ATAD1: variants seen among roughly 807,000 people sequenced by gnomAD.
The protein encoded by ATAD1 is outer mitochondrial transmembrane helix translocase.
In ATAD1, 18 loss-of-function variants were observed where a neutral mutation model predicts 42.7. The observed-to-expected ratio is 0.42, with a 90% CI of 0.29 to 0.63. The LOEUF is 0.63. Among genes scored for constraint, ATAD1 ranks in the 20% least tolerant of loss-of-function variants. The pLI is 0.19. For missense variants in ATAD1, 294 were observed against 440.4 expected (o/e 0.67, Z 2.98); for synonymous variants, 132 against 143.1 (o/e 0.92, Z 0.55).
intron 5 of ATAD1, among the ~76,000 whole-genome samples, chr10:87,783,001 A>T (rs1380917881): frequency 6.6e-6 from 1 of 152,062 alleles, no homozygotes; most frequent in Admixed American, 6.6e-5. Flanking sequence ...AAAAAAAGAA[A>T]TCTGAATTAT....
chr10:87,778,402 T>G (rs1460031551), intron 5 of ATAD1, among the ~76,000 whole-genome samples: 2 of 152,106 alleles, frequency 1.3e-5, no homozygotes, highest in African/African-American at 4.8e-5. Flanking sequence ...TCCAAGATGC[T>G]GAGGACCAGA....
At chr10:87,839,834 G>T (rs1450693927) in intron 1 of ATAD1, among the ~76,000 whole-genome samples, 5 of 151,294 alleles carry the variant, frequency 3.3e-5, no homozygotes, top group Non-Finnish European at 7.4e-5. Context: ...ATTGTAAAAA[G>T]CTGCTGATCT....
chr10:87,796,585 G>A (rs943010757), intron 2 of ATAD1, among the ~76,000 whole-genome samples: 3 of 152,072 alleles, frequency 2.0e-5, no homozygotes, highest in Admixed American at 6.6e-5. Context: ...TGACCACTTT[G>A]GGCACATGTC....
chr10:87,757,084 G>T (rs1186896492), intron 8 of ATAD1, among the ~76,000 whole-genome samples, 162 bp from the exon 9 acceptor site: 1 of 151,936 alleles, frequency 6.6e-6, no homozygotes, highest in African/African-American at 2.4e-5. Context: ...TTAGAAATTT[G>T]AAATATAATT....
At chr10:87,816,461 G>A (rs1439586919) in intron 1 of ATAD1, among the ~76,000 whole-genome samples, 1 of 152,152 alleles carries the variant, frequency 6.6e-6, no homozygotes, top group African/African-American at 2.4e-5. Flanking sequence ...CATTCAATTT[G>A]CATTTACTGA....
At chr10:87,774,211 CAA>C (rs2131830110) in intron 6 of ATAD1, among the ~76,000 whole-genome samples, 1 of 152,262 alleles carries the variant, frequency 6.6e-6, no homozygotes, top group East Asian at 1.9e-4. Flanking sequence ...TTAAAAGACT[CAA>C]ATAAATTAAT....
intron 2 of ATAD1, among the ~76,000 whole-genome samples, chr10:87,793,808 G>C (rs1856244189): frequency 6.6e-6 from 1 of 152,150 alleles, no homozygotes; most frequent in South Asian, 2.1e-4. Context: ...TTCCTAAAAT[G>C]CTTTTGATTA....
intron 5 of ATAD1, among the ~76,000 whole-genome samples, chr10:87,780,299 G>A (rs1855506139): frequency 2.0e-5 from 3 of 152,164 alleles, no homozygotes; most frequent in Non-Finnish European, 4.4e-5. Flanking sequence ...GATGCTAGCA[G>A]TTTGGGAGGA....
chr10:87,832,093 T>G (rs898852876), intron 1 of ATAD1: 2 of 141,920 alleles, frequency 1.4e-5, no homozygotes, highest in Non-Finnish European at 3.0e-5. Flanking sequence ...TTTTTTTTTT[T>G]GACAGGGTCT....
chr10:87,817,301 A>C (rs1187445499), intron 1 of ATAD1, among the ~76,000 whole-genome samples: 1 of 152,226 alleles, frequency 6.6e-6, no homozygotes, highest in African/African-American at 2.4e-5. Flanking sequence ...AACAGCAGGG[A>C]GCGTATTTCA....
chr10:87,799,701 T>C (rs1241017889), intron 2 of ATAD1, among the ~76,000 whole-genome samples: 1 of 152,096 alleles, frequency 6.6e-6, no homozygotes, highest in African/African-American at 2.4e-5. Flanking sequence ...AATGGGATAA[T>C]TGTAGACAAA....
chr10:87,766,634 C>T (rs1564743197), intron 8 of ATAD1, among the ~76,000 whole-genome samples: 1 of 151,738 alleles, frequency 6.6e-6, no homozygotes, highest in African/African-American at 2.4e-5. Context: ...TGGTAAAATG[C>T]AAAAAATACA....
At chr10:87,764,067 G>A (rs1466854925) in intron 8 of ATAD1, among the ~76,000 whole-genome samples, 1 of 151,964 alleles carries the variant, frequency 6.6e-6, no homozygotes, top group East Asian at 1.9e-4. Flanking sequence ...ATTAATCCTA[G>A]TGCATAAAGA....
Position 87,814,604 on chromosome 10 carries a change from A to C in ATAD1, c.-5T>G. 1 of 1,593,076 alleles carries C rather than the reference A, an allele frequency of 6.3e-7. No homozygotes were observed. Among genetic ancestry groups the C allele is most frequent in the Non-Finnish European group, 8.5e-7 (1 of 1,171,498 alleles). On this transcript the variant is annotated 5_prime_UTR_variant, in exon 2 of 10. In the 5' UTR this introduces an upstream ATG that the reference lacks. Transcript: ENST00000680024. Reference sequence around the variant, plus strand: ...AAAGGCTTCAGCATGTACCATCTTGAATGTTAACCTTAAAAAAACAAACAG... The same window carrying C: ...AAAGGCTTCAGCATGTACCATCTTGCATGTTAACCTTAAAAAAACAAACAG...
chr10:87,799,591 C>T (rs1856582561), intron 2 of ATAD1, among the ~76,000 whole-genome samples: 1 of 152,098 alleles, frequency 6.6e-6, no homozygotes, highest in Non-Finnish European at 1.5e-5. Context: ...TTCACTGTCT[C>T]AGTTATGATT....
chr10:87,824,029 A>G lies in ATAD1; in HGVS notation c.-13-9417T>C, dbSNP rs1158323154. 4.1e-4 allele frequency among the ~76,000 whole-genome samples: 63 copies of G among 151,892 alleles called. 3 individuals are homozygous for G. Among genetic ancestry groups the G allele is most frequent in the Admixed American group, 4.1e-3 (62 of 15,256 alleles). ...TCCATTCTGTTAGTTCCCGTAATTCACTTTGGTTAGCACTGGCATAGTACT... is the reference window on the plus strand; with the variant it reads ...TCCATTCTGTTAGTTCCCGTAATTCGCTTTGGTTAGCACTGGCATAGTACT... On this transcript the variant is annotated intron_variant, in intron 1 of 4. Transcript: ENST00000495903.
chr10:87,782,198 G>A (rs1347212198), intron 5 of ATAD1, among the ~76,000 whole-genome samples: 1 of 152,130 alleles, frequency 6.6e-6, no homozygotes, highest in Non-Finnish European at 1.5e-5. Flanking sequence ...AAAGCAACAA[G>A]ATTAAAAAGA....
chr10:87,788,670 T>G (rs1236790318), intron 4 of ATAD1, among the ~76,000 whole-genome samples: 1 of 152,192 alleles, frequency 6.6e-6, no homozygotes, highest in East Asian at 1.9e-4. Context: ...AAGATAACAC[T>G]GATAAAAAAA....
upstream of ATAD1, among the ~76,000 whole-genome samples, chr10:87,823,000 C>G (rs988134700): frequency 4.1e-5 from 6 of 144,750 alleles, no homozygotes; most frequent in Middle Eastern, 7.4e-3. Context: ...AAGATAGAAT[C>G]AAGGAAAAAA....
Sources: gnomAD v4.1 joint callset for allele counts (sites outside exome capture counted in the v4.1 genomes callset) on GRCh38, gnomAD v4.1.1 for gene constraint, MANE v1.5 for transcripts, NCBI Gene and HGNC (gene_info 2026-07-23, HGNC 2026-07-21) for gene names.